Variants in PARD3B observed in about 807,000 individuals in gnomAD.
PARD3B encodes the protein partitioning defective 3 homolog B.
Under a neutral mutation model 130.2 loss-of-function variants are expected in PARD3B, and 103 were observed. The ratio of observed to expected loss-of-function variants is 0.79; its 90% CI spans 0.67 to 0.93. The LOEUF (loss-of-function observed/expected upper bound fraction) is 0.93. Ranked by LOEUF, PARD3B falls within the 40% of genes least tolerant of loss-of-function variation. PARD3B has a pLI of 0.00. For missense variants in PARD3B, 1,609 were observed against 1,499.2 expected (o/e 1.07, Z -1.21); for synonymous variants, 583 against 553.2 (o/e 1.05, Z -0.76).
At chr2:204,725,634 A>T (rs941388051) in intron 2 of PARD3B, among the ~76,000 whole-genome samples, 2 of 152,176 alleles carry the variant, frequency 1.3e-5, no homozygotes, top group African/African-American at 4.8e-5. Flanking sequence ...TACATATTTT[A>T]TGTATTCAAA....
rs1460424303 is a variant in PARD3B, at chr2:204,953,414, CACACACAGAGAGAGAGAGAGAGAGAGAG to C, written c.223-11736_223-11709del. ...ATTGACATATATATGTTAACATACA[CACACACAGAGAGAGAGAGAGAGAGAGAG>C]AGAGAGAGAGAGAGAGAGAGAGAGA... is the stretch of plus-strand genomic sequence containing the variant. On this transcript the variant is annotated intron_variant, in intron 2 of 22. Coordinates refer to ENST00000406610, the MANE Select transcript of PARD3B (RefSeq NM_001302769.2). 4.7e-5 allele frequency among the ~76,000 whole-genome samples: 5 copies of C among 106,454 alleles called. No individual in the cohort carries two copies. The South Asian group carries it at 1.6e-3, about 35-fold the overall frequency. 69.8% of individuals were successfully genotyped at this position (106,454 alleles called of 152,430 possible).
At chr2:204,671,884 A>G (rs1189674317) in intron 1 of PARD3B, among the ~76,000 whole-genome samples, 2 of 152,222 alleles carry the variant, frequency 1.3e-5, no homozygotes, top group African/African-American at 4.8e-5. Context: ...ATATATTCAA[A>G]TATATATGTG....
At chr2:204,997,372 A>G (rs941669790) in intron 3 of PARD3B, among the ~76,000 whole-genome samples, 14 of 152,218 alleles carry the variant, frequency 9.2e-5, no homozygotes, top group Admixed American at 6.5e-4. Context: ...CTTCACATGA[A>G]TGAACATGCT....
Position 204,669,515 on chromosome 2 carries a change from A to C in PARD3B, c.121-16666A>C, listed in dbSNP as rs904894753. 2.0e-5 allele frequency among the ~76,000 whole-genome samples: 3 copies of C among 152,148 alleles called. No homozygotes were observed. The highest frequency in any genetic ancestry group is 2.0e-4 in the Admixed American group (3 of 15,248). On this transcript the variant is annotated intron_variant, in intron 1 of 22. Transcript: ENST00000406610. The surrounding 1 kb of genome is among the most constrained non-coding windows in gnomAD (Gnocchi z 4.3). ...ATGCTTTTGAGCTGTAAAAAGGAGA[A>C]TATGTTCGAACATTCTTGTTTGAAT...
chr2:204,756,457 GAATA>G (rs1416927723), intron 2 of PARD3B, among the ~76,000 whole-genome samples: 2 of 152,004 alleles, frequency 1.3e-5, no homozygotes, highest in Non-Finnish European at 2.9e-5. Context: ...TTCTTTATTT[GAATA>G]AATAAATCGA....
At chr2:205,326,540 A>G (rs2042946036) in intron 18 of PARD3B, among the ~76,000 whole-genome samples, 1 of 152,190 alleles carries the variant, frequency 6.6e-6, no homozygotes, top group South Asian at 2.1e-4. Context: ...GAGTTATTCA[A>G]CAGTTATCAT....
intron 2 of PARD3B, among the ~76,000 whole-genome samples, chr2:204,722,506 C>A (rs1270171355): frequency 2.0e-5 from 3 of 152,120 alleles, no homozygotes; most frequent in Non-Finnish European, 4.4e-5. Flanking sequence ...GGTTACCATG[C>A]CCATTGCTCA....
chr2:205,424,370 G>A (rs1186563707), intron 19 of PARD3B, among the ~76,000 whole-genome samples: 1 of 152,106 alleles, frequency 6.6e-6, no homozygotes, highest in Non-Finnish European at 1.5e-5. Flanking sequence ...TACTTCTAGA[G>A]CTTTTCATGA....
At chr2:204,577,948 C>T (rs141964726) in intron 1 of PARD3B, among the ~76,000 whole-genome samples, 1 of 152,140 alleles carries the variant, frequency 6.6e-6, no homozygotes, top group East Asian at 1.9e-4. Flanking sequence ...GTGGCTTTGT[C>T]CCCTAGGACA....
intron 1 of PARD3B, among the ~76,000 whole-genome samples, chr2:204,583,982 G>C (rs1243559218): frequency 6.6e-6 from 1 of 152,224 alleles, no homozygotes; most frequent in Non-Finnish European, 1.5e-5. Flanking sequence ...TGGTAGGCTG[G>C]GCTGGGAGTG....
chr2:204,652,523 A>G (rs1290664400), intron 1 of PARD3B, among the ~76,000 whole-genome samples: 1 of 152,186 alleles, frequency 6.6e-6, no homozygotes. Context: ...GGTCAAAACC[A>G]TTCAACAAGT....
chr2:204,855,695 T>TC (rs1022990859), intron 2 of PARD3B, among the ~76,000 whole-genome samples: 6 of 151,960 alleles, frequency 3.9e-5, no homozygotes, highest in African/African-American at 1.4e-4. Flanking sequence ...CATTTCCCTT[T>TC]CCCCCATTCT....
At chr2:204,751,432 T>C (rs1313734286) in intron 2 of PARD3B, among the ~76,000 whole-genome samples, 2 of 152,232 alleles carry the variant, frequency 1.3e-5, no homozygotes, top group African/African-American at 4.8e-5. Context: ...AAGCTTAAAC[T>C]TCTTTAACTT....
intron 21 of PARD3B, among the ~76,000 whole-genome samples, chr2:205,501,539 G>A (rs1389626129): frequency 6.6e-6 from 1 of 152,140 alleles, no homozygotes; most frequent in Non-Finnish European, 1.5e-5. Context: ...GTAAGGCTCA[G>A]CTCCCTCGAT....
intron 2 of PARD3B, among the ~76,000 whole-genome samples, chr2:204,825,093 A>G (rs10153811): frequency 0.04 from 6,104 of 152,278 alleles, 162 homozygotes; most frequent in Middle Eastern, 0.092. Flanking sequence ...GTCATTGTCC[A>G]AGTCCTGACT....
intron 3 of PARD3B, among the ~76,000 whole-genome samples, chr2:205,024,623 A>G (rs1696878881): frequency 6.6e-6 from 1 of 152,204 alleles, no homozygotes; most frequent in Admixed American, 6.5e-5. Flanking sequence ...CTATTATTTA[A>G]TTCCTTGTCA....
chr2:205,438,493 C>A (rs955499989), intron 19 of PARD3B, among the ~76,000 whole-genome samples: 1 of 152,178 alleles, frequency 6.6e-6, no homozygotes. Flanking sequence ...AATCCTACCC[C>A]CTAACTTTAT....
intron 3 of PARD3B, among the ~76,000 whole-genome samples, chr2:205,008,522 T>G (rs1179722418): frequency 6.6e-6 from 1 of 152,176 alleles, no homozygotes. Flanking sequence ...GAAATGTATT[T>G]TAGCCCAGTT....
chr2:204,897,163 C>A (rs2046668581), intron 2 of PARD3B, among the ~76,000 whole-genome samples: 1 of 151,876 alleles, frequency 6.6e-6, no homozygotes, highest in African/African-American at 2.4e-5. Flanking sequence ...GCTATTAAAT[C>A]CCTGGTTTCT....
Sources: gnomAD v4.1 joint callset for allele counts (sites outside exome capture counted in the v4.1 genomes callset) on GRCh38, gnomAD v4.1.1 for gene constraint, Gnocchi (gnomAD v3.1) non-coding constraint, MANE v1.5 for transcripts, NCBI Gene and HGNC (gene_info 2026-07-23, HGNC 2026-07-21) for gene names.